The following RPA3 variants were observed in gnomAD, a reference collection of about 807,000 sequenced individuals.
The protein encoded by RPA3 is replication protein A3, also known as replication protein A 14 kDa subunit.
RPA3 carries 24 observed loss-of-function variants against 13.7 expected under a neutral mutation model. The ratio of observed to expected loss-of-function variants is 1.75; its 90% CI spans 1.27 to 2.46. The LOEUF (loss-of-function observed/expected upper bound fraction) is 2.46, where lower values mean the gene tolerates loss of function less well. Ranked by LOEUF, RPA3 falls within the 30% of genes most tolerant of loss-of-function variation. The pLI is 0.00. For synonymous variants in RPA3, 59 were observed against 51.2 expected (o/e 1.15, Z -0.65); for missense variants, 183 against 151.0 (o/e 1.21, Z -1.11).
At chr7:7,689,629 A>G (rs1288407664) in intron 2 of RPA3, among the ~76,000 whole-genome samples, 1 of 152,118 alleles carries the variant, frequency 6.6e-6, no homozygotes, top group African/African-American at 2.4e-5. Context: ...GACTTCATGG[A>G]AATGTATTTA....
chr7:7,664,189 T>C (rs1779371664), intron 4 of RPA3, among the ~76,000 whole-genome samples: 1 of 152,208 alleles, frequency 6.6e-6, no homozygotes, highest in African/African-American at 2.4e-5. Context: ...TTTCTTCTCT[T>C]AAGATAAAGT....
chr7:7,701,250 AGC>A (rs1439351667), intron 2 of RPA3, among the ~76,000 whole-genome samples: 2 of 152,218 alleles, frequency 1.3e-5, no homozygotes, highest in Non-Finnish European at 2.9e-5. Context: ...TGGGGCTTAG[AGC>A]CCTAAAACCT....
intron 4 of RPA3, among the ~76,000 whole-genome samples, chr7:7,645,373 T>TA (rs1314638158): frequency 4.6e-5 from 7 of 152,172 alleles, no homozygotes; most frequent in African/African-American, 1.7e-4. Context: ...ACTTAGTACT[T>TA]ATGTGGTAGT....
At chr7:7,660,575 G>C (rs1785449471) in intron 4 of RPA3, among the ~76,000 whole-genome samples, 1 of 152,296 alleles carries the variant, frequency 6.6e-6, no homozygotes, top group East Asian at 1.9e-4. Flanking sequence ...TAGTTTGGCT[G>C]GATATGAAAT....
chr7:7,643,962 C>G (rs947423433), intron 4 of RPA3, among the ~76,000 whole-genome samples: 2 of 152,086 alleles, frequency 1.3e-5, no homozygotes, highest in African/African-American at 4.8e-5. Context: ...TGCTACTGAC[C>G]CGTGAGGATA....
intron 4 of RPA3, among the ~76,000 whole-genome samples, chr7:7,649,652 T>G (rs1785178458): frequency 6.6e-6 from 1 of 152,044 alleles, no homozygotes; most frequent in Non-Finnish European, 1.5e-5. Flanking sequence ...CAGTCTGTGT[T>G]AATTTGAATG....
chr7:7,696,247 A>G (rs1332995280), intron 2 of RPA3, among the ~76,000 whole-genome samples: 1 of 150,290 alleles, frequency 6.7e-6, no homozygotes, highest in Non-Finnish European at 1.5e-5. Flanking sequence ...TTCTCCTTGA[A>G]CTCATACAAG....
At chr7:7,644,022 T>A (rs1468228726) in intron 4 of RPA3, among the ~76,000 whole-genome samples, 2 of 152,052 alleles carry the variant, frequency 1.3e-5, no homozygotes, top group African/African-American at 4.8e-5. Context: ...AGTAAAAAAA[T>A]GATTTCCCCA....
At chr7:7,649,535 C>T (rs1223179992) in intron 4 of RPA3, among the ~76,000 whole-genome samples, 7 of 152,176 alleles carry the variant, frequency 4.6e-5, no homozygotes, top group Admixed American at 3.3e-4. Context: ...GGATTAATTT[C>T]CACGTCAGTT....
intron 2 of RPA3, among the ~76,000 whole-genome samples, chr7:7,713,474 C>T (rs1005597116): frequency 2.0e-5 from 3 of 151,912 alleles, no homozygotes; most frequent in Non-Finnish European, 4.4e-5. Flanking sequence ...GCTCCTCCCC[C>T]CCATGGCAAT....
intron 4 of RPA3, among the ~76,000 whole-genome samples, chr7:7,684,675 G>A (rs1411702049): frequency 6.6e-6 from 1 of 152,174 alleles, no homozygotes; most frequent in East Asian, 1.9e-4. Flanking sequence ...TATACAATGT[G>A]AATTCCAACT....
At chr7:7,656,749 G>A (rs12155316) in intron 4 of RPA3, among the ~76,000 whole-genome samples, 62,656 of 151,918 alleles carry the variant, frequency 0.41, 14,146 homozygotes, top group East Asian at 0.88. Flanking sequence ...CAAGTCTGCT[G>A]TTGTGAACAG....
intron 2 of RPA3, among the ~76,000 whole-genome samples, chr7:7,710,674 G>A (rs918924499): frequency 6.6e-6 from 1 of 152,140 alleles, no homozygotes; most frequent in Admixed American, 6.5e-5. Flanking sequence ...GTTACTATAC[G>A]ACTCAGCAAT....
At chr7:7,686,630 C>T (rs773393938) in intron 3 of RPA3, among the ~76,000 whole-genome samples, 2 of 152,128 alleles carry the variant, frequency 1.3e-5, no homozygotes, top group Admixed American at 6.5e-5. Flanking sequence ...TTTCCAGAAC[C>T]ATCATGCTGC....
chr7:7,649,736 TTG>T (rs71543837), intron 4 of RPA3, among the ~76,000 whole-genome samples: 100,711 of 151,432 alleles, frequency 0.67, 33,956 homozygotes, highest in East Asian at 0.88. Flanking sequence ...GTCCGAATGT[TTG>T]TCTCTCTCCC....
At position 7,700,157 on chromosome 7, in the gene RPA3, C is replaced by T. The variant is rs186141595; in HGVS notation, c.-1027-12829G>A. On this transcript the variant is annotated intron_variant, in intron 2 of 7. Transcript: ENST00000223129. ...TCAGAGTTCTGGAGACTGGGAAGTC[C>T]AAGATCAAGGCATTGGCAAATAGGC... Among the ~76,000 whole-genome samples the T allele has an allele frequency of 2.1e-3, 324 of 152,212 alleles. 1 individual carries two copies. Among genetic ancestry groups the T allele is most frequent in the Non-Finnish European group, 3.9e-3 (267 of 68,024 alleles).
intron 2 of RPA3, among the ~76,000 whole-genome samples, chr7:7,708,811 T>A (rs1218979993): frequency 1.3e-5 from 2 of 152,054 alleles, no homozygotes; most frequent in African/African-American, 4.8e-5. Context: ...TAATATGTGG[T>A]TTAAAGGGAA....
chr7:7,701,081 T>C (rs115990051), intron 2 of RPA3, among the ~76,000 whole-genome samples: 17 of 152,252 alleles, frequency 1.1e-4, no homozygotes, highest in African/African-American at 4.1e-4. Flanking sequence ...ACAAGTATAA[T>C]TCACACTTGG....
In RPA3 at chr7:7,717,063, T is replaced by TTTTC. The variant is rs1380576481; in HGVS notation, c.-1080+1451_-1080+1452insGAAA. 8.0e-5 allele frequency among the ~76,000 whole-genome samples: 12 copies of TTTTC among 150,024 alleles called. 1 individual carries two copies. Among genetic ancestry groups the TTTTC allele is most frequent in the African/African-American group, 2.9e-4 (12 of 40,788 alleles). ...CTTTTTCTTTCTTTCTTTTTTTCTT[T>TTTTC]TTTTTTTTTTTGAGACGGAGTCTTG... On this transcript the variant is annotated intron_variant, in intron 1 of 7. Coordinates refer to ENST00000223129, the MANE Select transcript of RPA3 (RefSeq NM_002947.5).
Sources: gnomAD v4.1 joint callset for allele counts (sites outside exome capture counted in the v4.1 genomes callset) on GRCh38, gnomAD v4.1.1 for gene constraint, MANE v1.5 for transcripts, NCBI Gene and HGNC (gene_info 2026-07-23, HGNC 2026-07-21) for gene names.